MALRD1: variants seen among roughly 807,000 people sequenced by gnomAD.
The protein encoded by MALRD1 is MAM and LDL receptor class A domain containing 1.
A neutral mutation model predicts 242.1 loss-of-function variants in MALRD1; 247 were observed. The ratio of observed to expected loss-of-function variants is 1.02; its 90% CI spans 0.92 to 1.13. The LOEUF (loss-of-function observed/expected upper bound fraction) is 1.13. Among genes scored for constraint, MALRD1 ranks in the 50% most tolerant of loss-of-function variants. The pLI is 0.00. For missense variants in MALRD1, 2,989 were observed against 2,533.1 expected (o/e 1.18, Z -3.86); for synonymous variants, 995 against 866.6 (o/e 1.15, Z -2.60).
intron 28 of MALRD1, among the ~76,000 whole-genome samples, chr10:19,426,664 A>T (rs1343311512): frequency 6.6e-6 from 1 of 152,022 alleles, no homozygotes; most frequent in Non-Finnish European, 1.5e-5. Context: ...TTAGCTGGGC[A>T]TGGTGGGGCA....
intron 18 of MALRD1, among the ~76,000 whole-genome samples, chr10:19,214,709 T>C (rs1006294002): frequency 2.0e-5 from 3 of 152,170 alleles, no homozygotes; most frequent in African/African-American, 2.4e-5. Flanking sequence ...CTCTTATACA[T>C]TATTAACTTA....
chr10:19,659,917 G>A (rs1471873297), intron 36 of MALRD1, among the ~76,000 whole-genome samples: 1 of 152,044 alleles, frequency 6.6e-6, no homozygotes, highest in East Asian at 1.9e-4. Context: ...AACAGGTATT[G>A]AATTTTCTAA....
intron 34 of MALRD1, among the ~76,000 whole-genome samples, chr10:19,595,987 C>T (rs1388005196): frequency 2.6e-5 from 4 of 152,150 alleles, no homozygotes; most frequent in African/African-American, 9.7e-5. Flanking sequence ...TGAATTTCAT[C>T]CCTGTTACTT....
intron 9 of MALRD1, among the ~76,000 whole-genome samples, chr10:19,136,343 T>G (rs1215049133): frequency 6.6e-6 from 1 of 151,858 alleles, no homozygotes; most frequent in African/African-American, 2.4e-5. Flanking sequence ...CCATCAGTTT[T>G]TTTTTTTTTT....
At chr10:19,347,570 G>C (rs948896696) in intron 24 of MALRD1, among the ~76,000 whole-genome samples, 3 of 152,124 alleles carry the variant, frequency 2.0e-5, no homozygotes, top group Admixed American at 6.6e-5. Flanking sequence ...CAGATTTGTA[G>C]AGAAATGAAC....
At chr10:19,277,300 T>G (rs1840579378) in intron 19 of MALRD1, among the ~76,000 whole-genome samples, 1 of 152,216 alleles carries the variant, frequency 6.6e-6, no homozygotes, top group Non-Finnish European at 1.5e-5. Flanking sequence ...AATAGAATGC[T>G]CATTTACTTA....
intron 28 of MALRD1, among the ~76,000 whole-genome samples, chr10:19,419,072 C>T (rs1833618816): frequency 6.6e-6 from 1 of 152,150 alleles, no homozygotes. Flanking sequence ...AGTATGCACA[C>T]CCTTCTCCAG....
At chr10:19,544,691 A>T (rs1000292995) in intron 32 of MALRD1, among the ~76,000 whole-genome samples, 2 of 152,096 alleles carry the variant, frequency 1.3e-5, no homozygotes, top group Non-Finnish European at 2.9e-5. Context: ...ATTGGCCTGA[A>T]TCATCCTCTC....
At chr10:19,541,693 G>T (rs757245048) in intron 32 of MALRD1, among the ~76,000 whole-genome samples, 5 of 152,106 alleles carry the variant, frequency 3.3e-5, no homozygotes, top group African/African-American at 1.2e-4. Flanking sequence ...CCTGCGACAA[G>T]GTACACTTAG....
At chr10:19,245,306 A>G (rs944155074) in intron 18 of MALRD1, among the ~76,000 whole-genome samples, 1 of 152,034 alleles carries the variant, frequency 6.6e-6, no homozygotes, top group Non-Finnish European at 1.5e-5. Context: ...TCTGAATTAC[A>G]AATGATTTTT....
chr10:19,718,123 GA>G (rs397845884), intron 38 of MALRD1, among the ~76,000 whole-genome samples: 1 of 149,780 alleles, frequency 6.7e-6, no homozygotes, highest in Non-Finnish European at 1.5e-5. Flanking sequence ...AGAAGAAGAA[GA>G]AGAGGAAGAA....
At chr10:19,688,055 C>T (rs779015852) in intron 36 of MALRD1, among the ~76,000 whole-genome samples, 31 of 151,976 alleles carry the variant, frequency 2.0e-4, no homozygotes, top group East Asian at 1.9e-4. Context: ...CTGCAAACTC[C>T]GCCTCCCAGG....
intron 7 of MALRD1, among the ~76,000 whole-genome samples, chr10:19,125,656 T>C (rs1483494353): frequency 6.6e-6 from 1 of 151,702 alleles, no homozygotes; most frequent in African/African-American, 2.4e-5. Context: ...ATTTTTAGGG[T>C]ATATTCTTTA....
At chr10:19,310,210 A>T (rs1268953503) in intron 21 of MALRD1, among the ~76,000 whole-genome samples, 2 of 151,424 alleles carry the variant, frequency 1.3e-5, no homozygotes, top group African/African-American at 4.8e-5. Context: ...GAAGGAAAGG[A>T]TGTGCTTAGA....
intron 28 of MALRD1, among the ~76,000 whole-genome samples, chr10:19,439,779 G>A (rs1332282090): frequency 1.3e-5 from 2 of 151,866 alleles, no homozygotes; most frequent in African/African-American, 4.8e-5. Context: ...ACTTTGTATT[G>A]TGTGTATTTT....
At chr10:19,675,320 G>T (rs1450870606) in intron 36 of MALRD1, among the ~76,000 whole-genome samples, 1 of 152,064 alleles carries the variant, frequency 6.6e-6, no homozygotes, top group Non-Finnish European at 1.5e-5. Context: ...TATTCACATT[G>T]TACAATGACA....
intron 12 of MALRD1, among the ~76,000 whole-genome samples, chr10:19,155,785 C>T (rs1463509211): frequency 1.3e-5 from 2 of 152,044 alleles, no homozygotes; most frequent in Non-Finnish European, 2.9e-5. Context: ...ACATTGGAAG[C>T]ATACACGATT....
intron 33 of MALRD1, among the ~76,000 whole-genome samples, chr10:19,572,175 G>A (rs1305092261): frequency 1.3e-5 from 2 of 152,104 alleles, no homozygotes; most frequent in African/African-American, 4.8e-5. Flanking sequence ...GTTTCCCAGG[G>A]CAACATTTTG....
At position 19,352,085 on chromosome 10, in the gene MALRD1, A is replaced by C; in HGVS notation, c.4229A>C (p.Lys1410Thr). The C allele has an allele frequency of 1.9e-6, 3 of 1,550,472 alleles. No individual in the cohort carries two copies. Among genetic ancestry groups the C allele is most frequent in the Non-Finnish European group, 2.6e-6 (3 of 1,146,874 alleles). Residue 1410 changes from lysine (K) to threonine (T), a missense_variant, in exon 26 of 40, where the codon AAG becomes ACG. Transcript: ENST00000454679. ...LMQVSVTNQT[K>T]VLLNLTVEQG... Reference sequence around the variant, plus strand: ...CAGGTGTCAGTCACAAACCAAACGAAGGTTCTACTTAACCTCACTGTAGAA... The same window carrying C: ...CAGGTGTCAGTCACAAACCAAACGACGGTTCTACTTAACCTCACTGTAGAA...
Sources: allele counts gnomAD v4.1 joint callset (sites outside exome capture counted in the v4.1 genomes callset), GRCh38; gene constraint gnomAD v4.1.1; transcripts MANE v1.5; gene names NCBI Gene and HGNC (gene_info 2026-07-23, HGNC 2026-07-21).